Variants in AGBL3 observed in about 807,000 individuals in gnomAD.
AGBL3 encodes AGBL carboxypeptidase 3.
AGBL3 carries 68 observed loss-of-function variants against 94.5 expected under a neutral mutation model. The ratio of observed to expected loss-of-function variants is 0.72; its 90% CI spans 0.59 to 0.88. AGBL3 has a LOEUF of 0.88. AGBL3 is among the 40% of genes least tolerant of loss of function. The pLI is 0.00. For missense variants in AGBL3, 934 were observed against 1,103.8 expected, an observed-to-expected ratio of 0.85 and a Z score of 2.18; for synonymous variants, 354 against 370.7, an observed-to-expected ratio of 0.95 and a Z score of 0.52.
At chr7:135,084,750 G>A (rs1178065343) in intron 15 of AGBL3, among the ~76,000 whole-genome samples, 2 of 152,004 alleles carry the variant, frequency 1.3e-5, no homozygotes, top group African/African-American at 4.8e-5. Context: ...TCTGTTGATG[G>A]ACACTTAGGT....
At chr7:135,100,213 G>A (rs1480700700) in intron 15 of AGBL3, 1 of 151,676 alleles carries the variant, frequency 6.6e-6, no homozygotes, top group Non-Finnish European at 1.5e-5. Context: ...AAAAACACTG[G>A]TGGCATAAGA....
intron 15 of AGBL3, among the ~76,000 whole-genome samples, chr7:135,108,900 T>C (rs1825183962): frequency 6.6e-6 from 1 of 152,220 alleles, no homozygotes; most frequent in South Asian, 2.1e-4. Flanking sequence ...TAGTTCTCTT[T>C]ATTTTTATCT....
chr7:135,111,203 G>A (rs1213484033), intron 15 of AGBL3, among the ~76,000 whole-genome samples: 1 of 151,932 alleles, frequency 6.6e-6, no homozygotes. Flanking sequence ...TCTGTTTAAG[G>A]TTAATTCATT....
At chr7:135,119,545 C>A (rs1354033284) in intron 16 of AGBL3, among the ~76,000 whole-genome samples, 2 of 150,236 alleles carry the variant, frequency 1.3e-5, no homozygotes, top group Non-Finnish European at 3.0e-5. Flanking sequence ...AATTTAACTT[C>A]TGAAAATGAG....
At chr7:135,043,729 A>G (rs1817089951) in intron 8 of AGBL3, among the ~76,000 whole-genome samples, 1 of 152,046 alleles carries the variant, frequency 6.6e-6, no homozygotes, top group Non-Finnish European at 1.5e-5. Context: ...ACCCACAAAA[A>G]TTAAAAATTA....
intron 16 of AGBL3, among the ~76,000 whole-genome samples, chr7:135,133,234 T>C (rs891948105): frequency 3.3e-5 from 5 of 152,304 alleles, no homozygotes; most frequent in Admixed American, 1.3e-4. Context: ...TACTTGGTTT[T>C]ACAGGGTTTC....
intron 12 of AGBL3, among the ~76,000 whole-genome samples, chr7:135,074,079 G>A (rs1052075671): frequency 2.6e-5 from 4 of 152,078 alleles, no homozygotes; most frequent in Admixed American, 6.5e-5. Flanking sequence ...TTCTCATCAC[G>A]AAAAGCAAAA....
intron 5 of AGBL3, among the ~76,000 whole-genome samples, chr7:135,028,398 T>C (rs1478202839): frequency 2.0e-5 from 3 of 148,468 alleles, no homozygotes; most frequent in Non-Finnish European, 3.0e-5. Flanking sequence ...TTTGTTGTCA[T>C]TTCAACAATC....
At chr7:134,999,926 A>G (rs1490842777) in intron 4 of AGBL3, among the ~76,000 whole-genome samples, 1 of 152,194 alleles carries the variant, frequency 6.6e-6, no homozygotes, top group Non-Finnish European at 1.5e-5. Flanking sequence ...CCATCAGTCA[A>G]CCTAGTAGCT....
intron 5 of AGBL3, among the ~76,000 whole-genome samples, chr7:135,023,603 G>C (rs904099001): frequency 6.6e-6 from 1 of 152,204 alleles, no homozygotes; most frequent in African/African-American, 2.4e-5. Flanking sequence ...AGCTGAAGCA[G>C]AACACAGCCA....
intron 15 of AGBL3, among the ~76,000 whole-genome samples, chr7:135,085,988 A>T (rs1173091619): frequency 6.6e-6 from 1 of 151,568 alleles, no homozygotes; most frequent in Non-Finnish European, 1.5e-5. Context: ...TGAGATGTCT[A>T]TTTGTATCCT....
At chr7:135,019,286 T>C (rs1382149145) in intron 5 of AGBL3, among the ~76,000 whole-genome samples, 2 of 152,216 alleles carry the variant, frequency 1.3e-5, no homozygotes, top group African/African-American at 4.8e-5. Flanking sequence ...TTCACTTTCA[T>C]CTGTGGAAAT....
chr7:135,010,043 TG>T (rs1208091949), intron 4 of AGBL3: 1 of 437,576 alleles, frequency 2.3e-6, no homozygotes, highest in Non-Finnish European at 4.5e-6. Flanking sequence ...TTTTTTAAGA[TG>T]GAGTCTCATG....
chr7:135,022,791 G>A (rs1452032762), intron 5 of AGBL3, among the ~76,000 whole-genome samples: 2 of 151,464 alleles, frequency 1.3e-5, no homozygotes, highest in Non-Finnish European at 3.0e-5. Flanking sequence ...TTTATGGTTG[G>A]ATTTGCTTTT....
At chr7:135,088,651 T>G (rs1316739680) in intron 15 of AGBL3, among the ~76,000 whole-genome samples, 1 of 152,150 alleles carries the variant, frequency 6.6e-6, no homozygotes, top group East Asian at 1.9e-4. Flanking sequence ...GGTCTCATAT[T>G]CTTGACTGGC....
At chr7:135,095,161 A>G (rs571223062) in intron 15 of AGBL3, among the ~76,000 whole-genome samples, 1 of 152,154 alleles carries the variant, frequency 6.6e-6, no homozygotes, top group African/African-American at 2.4e-5. Context: ...AGCCTCCTCT[A>G]GTCTTCCTGT....
chr7:135,123,498 A>G (rs187987293), intron 16 of AGBL3, among the ~76,000 whole-genome samples: 2 of 152,342 alleles, frequency 1.3e-5, no homozygotes, highest in African/African-American at 4.8e-5. Context: ...AACTTCTCCA[A>G]CCTCGCAAGA....
intron 4 of AGBL3, among the ~76,000 whole-genome samples, chr7:135,001,508 A>T (rs567415918): frequency 5.2e-4 from 79 of 152,294 alleles, no homozygotes; most frequent in African/African-American, 1.9e-3. Context: ...ACTAAGGTAA[A>T]TAGAACAGAT....
At chr7:135,039,648 C>T (rs1005309624) in intron 8 of AGBL3, among the ~76,000 whole-genome samples, 1 of 151,840 alleles carries the variant, frequency 6.6e-6, no homozygotes, top group Non-Finnish European at 1.5e-5. Context: ...GGCAAGAGGA[C>T]TGTTTGAGCC....
Sources: gnomAD v4.1 joint callset for allele counts (sites outside exome capture counted in the v4.1 genomes callset) on GRCh38, gnomAD v4.1.1 for gene constraint, MANE v1.5 for transcripts, NCBI Gene and HGNC (gene_info 2026-07-23, HGNC 2026-07-21) for gene names.